The following TELO2 variants were observed in gnomAD, a reference collection of about 807,000 sequenced individuals.
The protein encoded by TELO2 is telomere length regulation protein TEL2 homolog.
TELO2 carries 71 observed loss-of-function variants against 91.0 expected under a neutral mutation model. The observed-to-expected ratio is 0.78, with a 90% CI of 0.64 to 0.95. The LOEUF (loss-of-function observed/expected upper bound fraction) is 0.95, where lower values mean the gene tolerates loss of function less well. Ranked by LOEUF, TELO2 falls within the 40% of genes least tolerant of loss-of-function variation. TELO2 has a pLI of 0.00. For missense variants in TELO2, 1,183 were observed against 1,141.3 expected (o/e 1.04, Z -0.53); for synonymous variants, 584 against 518.9 (o/e 1.13, Z -1.71).
Position 1,504,863 on chromosome 16 carries a change from G to A in TELO2, c.1843-547G>A, listed in dbSNP as rs538684499. 7.5e-4 allele frequency among the ~76,000 whole-genome samples: 112 copies of A among 149,384 alleles called. 2 individuals carry two copies. Among genetic ancestry groups the A allele is most frequent in the African/African-American group, 2.4e-3 (96 of 39,828 alleles). On this transcript the variant is annotated intron_variant, in intron 15 of 20. Coordinates refer to ENST00000262319, the MANE Select transcript of TELO2 (RefSeq NM_016111.4). ...GGGTGGCGTTCGGAACATCCACAGT[G>A]TCACGCAGCCGCCTCTGTCTAGTCC...
chr16:1,500,121 G>A lies in TELO2; in HGVS notation c.959G>A (p.Gly320Asp). 1.2e-6 allele frequency: 2 copies of A among 1,608,740 alleles called. No homozygotes were observed. The highest frequency in any genetic ancestry group is 1.1e-5 in the South Asian group (1 of 90,878). Residue 320 changes from glycine (G) to aspartate (D), a missense_variant, in exon 7 of 21, where the codon GGC becomes GAC. By Grantham distance (94) the Gly-to-Asp change is moderately conservative (BLOSUM62 -1). Transcript: ENST00000262319. ...LTTPMLQSLL[G>D]HLAMDSQRRP... ...ACGCCCATGCTGCAGAGCCTGCTGG[G>A]CCATCTGGCCATGGACAGCCAGCGG...
At chr16:1,504,066 C>T (rs898397088) in intron 15 of TELO2, among the ~76,000 whole-genome samples, 7 of 141,386 alleles carry the variant, frequency 5.0e-5, no homozygotes, top group South Asian at 2.3e-4. Context: ...TTGAGGCTGT[C>T]GTGAGCCGTG....
At chr16:1,507,761 G>C (rs369615522) in intron 20 of TELO2, 45 bp downstream of exon 20, 3 of 1,416,988 alleles carry the variant, frequency 2.1e-6, no homozygotes, top group East Asian at 3.2e-5. Flanking sequence ...GTGTCGGCCC[G>C]GGGTGTGTGT....
Position 1,493,964 on chromosome 16 carries a change from C to T in TELO2, c.-36-282C>T, listed in dbSNP as rs2039390000. 6.6e-6 allele frequency among the ~76,000 whole-genome samples: 1 copy of T among 152,234 alleles called. No individual in the cohort carries two copies. The highest frequency in any genetic ancestry group is 1.5e-5 in the Non-Finnish European group (1 of 68,044). On this transcript the variant is annotated intron_variant, in intron 1 of 20. Coordinates refer to ENST00000262319, the MANE Select transcript of TELO2 (RefSeq NM_016111.4). The surrounding 1 kb of genome is among the most constrained non-coding windows in gnomAD (Gnocchi z 4.3). ...TCACCAGCATCTCTAGCCTCCACCTCCCTCTCGCGCCAGTGGCACTCCCGG... is the reference window on the plus strand; with the variant it reads ...TCACCAGCATCTCTAGCCTCCACCTTCCTCTCGCGCCAGTGGCACTCCCGG...
chr16:1,507,417 CAG>C (rs1397197394), intron 19 of TELO2, 47 bp downstream of exon 19: 2 of 1,602,000 alleles, frequency 1.2e-6, no homozygotes, highest in Non-Finnish European at 1.7e-6. Flanking sequence ...CAGGCAGACA[CAG>C]GGGTCTTATT....
At position 1,500,617 on chromosome 16, in the gene TELO2, C is replaced by T. The variant is rs776139039; in HGVS notation, c.1199C>T (p.Pro400Leu). The change falls in exon 9 of 21, where the codon CCC becomes CTC. Residue 400 changes from proline (P) to leucine (L), a missense_variant. Transcript: ENST00000262319. ...GVKCRLDSSL[P>L]PVRRLGMIVA... Reference sequence around the variant, plus strand: ...AAGTGCCGCCTGGACAGTAGCCTGCCCCCCGTGCGACGCCTGGGCATGATC... The same window carrying T: ...AAGTGCCGCCTGGACAGTAGCCTGCTCCCCGTGCGACGCCTGGGCATGATC... The T allele has an allele frequency of 2.1e-5, 34 of 1,612,238 alleles. No individual in the cohort carries two copies. Among genetic ancestry groups the T allele is most frequent in the Non-Finnish European group, 2.8e-5 (33 of 1,179,776 alleles).
In TELO2 at chr16:1,500,113, C is replaced by T; in HGVS notation, c.951C>T (p.Ser317=). 6.2e-7 allele frequency: 1 copy of T among 1,608,996 alleles called. No homozygotes were observed. Among genetic ancestry groups the T allele is most frequent in the Non-Finnish European group, 8.5e-7 (1 of 1,179,426 alleles). ...TATTGCAGACGCCCATGCTGCAGAG[C>T]CTGCTGGGCCATCTGGCCATGGACA... The part of the protein sequence containing the change: ...QSRLTTPMLQ[S]LLGHLAMDSQ... Residue 317 remains serine (S), a synonymous_variant, in exon 7 of 21, where the codon AGC becomes AGT. Coordinates refer to ENST00000262319, the MANE Select transcript of TELO2 (RefSeq NM_016111.4).
At chr16:1,508,098 C>A (rs2039976474) in intron 20 of TELO2, among the ~76,000 whole-genome samples, 1 of 152,070 alleles carries the variant, frequency 6.6e-6, no homozygotes, top group South Asian at 2.1e-4. Context: ...CACCCGCCTC[C>A]CTGGGCCCCT....
At chr16:1,509,515 G>A (rs1455103219) in intron 20 of TELO2, among the ~76,000 whole-genome samples, 3 of 152,252 alleles carry the variant, frequency 2.0e-5, no homozygotes, top group Non-Finnish European at 2.9e-5. Context: ...CACAGCCCTT[G>A]TCTGCCGTCC....
At chr16:1,501,930 G>T (rs931951121) in intron 11 of TELO2, 117 bp from the exon 12 acceptor site, 2 of 1,498,438 alleles carry the variant, frequency 1.3e-6, no homozygotes, top group Admixed American at 1.7e-5. Context: ...TCCACCGTAG[G>T]CGCAGGGGCC....
In TELO2 at chr16:1,505,137, G is replaced by A. The variant is rs2039842679; in HGVS notation, c.1843-273G>A. On this transcript the variant is annotated intron_variant, in intron 15 of 20. Transcript: ENST00000262319. This position sits in a 1 kb window ranked among gnomAD's most constrained non-coding sequence, Gnocchi z 4.3. ...GATAAGGGCATGTGGCTCTGGCGTGGCGGGACTGCGTGGCTTTAGGATGAG... is the reference window on the plus strand; with the variant it reads ...GATAAGGGCATGTGGCTCTGGCGTGACGGGACTGCGTGGCTTTAGGATGAG... 2 of 432,348 alleles carry A rather than the reference G, an allele frequency of 4.6e-6. No homozygotes were observed. The allele number at this position is 432,348 out of a possible 1,614,324, so 26.8% of individuals were successfully genotyped here. A position where few individuals can be genotyped will look rare whatever the true frequency, so the allele number is the denominator to read the frequency against.
At chr16:1,495,771 T>A in intron 3 of TELO2, 148 bp downstream of exon 3, 2 of 1,186,464 alleles carry the variant, frequency 1.7e-6, no homozygotes, top group Non-Finnish European at 2.3e-6. Flanking sequence ...TCCCGCACAG[T>A]AGTGACCGGC....
At chr16:1,506,492 C>G (rs575803825) in intron 17 of TELO2, 163 bp downstream of exon 17, 1 of 1,472,270 alleles carries the variant, frequency 6.8e-7, no homozygotes, top group Non-Finnish European at 9.0e-7. Flanking sequence ...AGGGAGCGTC[C>G]CGCAAGATTC....
At position 1,499,383 on chromosome 16, in the gene TELO2, G is replaced by C; in HGVS notation, c.933+50G>C. 1.9e-6 allele frequency: 3 copies of C among 1,590,784 alleles called. No individual in the cohort carries two copies. The South Asian group carries it at 3.3e-5, about 18-fold the overall frequency. ...GCTGCTGGCTGCCCCATCACAGCAA[G>C]AATGGCTGCAAAACATGGGGTCGGA... On this transcript the variant is annotated intron_variant, in intron 6 of 20. Coordinates refer to ENST00000262319, the MANE Select transcript of TELO2 (RefSeq NM_016111.4).
rs796701259 is a variant in TELO2 at position 1,501,572 on chromosome 16, A to AG, written c.1361+79dup. 4.8e-5 allele frequency: 75 copies of AG among 1,565,770 alleles called. No individual in the cohort carries two copies. The African/African-American group carries it at 9.0e-4, about 19-fold the overall frequency. ...CTCTGGATTCCGCTGCCGGGATGGG[A>AG]GGGGGGAAACCCTTTCTTTCTGTCC... On this transcript the variant is annotated intron_variant, in intron 10 of 20. Coordinates refer to ENST00000262319, the MANE Select transcript of TELO2 (RefSeq NM_016111.4).
Position 1,497,289 on chromosome 16 carries a change from C to CT in TELO2, c.683-71dup. 3.3e-6 allele frequency: 5 copies of CT among 1,497,462 alleles called. No individual in the cohort carries two copies. The highest frequency in any genetic ancestry group is 4.5e-6 in the Non-Finnish European group (5 of 1,116,746). The allele number at this position is 1,497,462 out of a possible 1,614,324, so 92.8% of individuals were successfully genotyped here. ...CTGGGGAGCTGTGGGACTGTCCTTG[C>CT]TGGACCCACACAGCCCCAGACACCA... On this transcript the variant is annotated intron_variant, in intron 4 of 20. Coordinates refer to ENST00000262319, the MANE Select transcript of TELO2 (RefSeq NM_016111.4). The surrounding 1 kb of genome is among the most constrained non-coding windows in gnomAD (Gnocchi z 4.0).
At chr16:1,498,177 G>A (rs1013788845) in intron 5 of TELO2, among the ~76,000 whole-genome samples, 1 of 151,910 alleles carries the variant, frequency 6.6e-6, no homozygotes, top group Non-Finnish European at 1.5e-5. Flanking sequence ...ACCACACCCG[G>A]CTAATTTTTG....
chr16:1,498,710 C>T lies in TELO2; in HGVS notation c.831-521C>T, dbSNP rs556877084. Among the ~76,000 whole-genome samples, 50 of 98,164 alleles carry T rather than the reference C, an allele frequency of 5.1e-4. 1 individual carries two copies. In the South Asian group the frequency reaches 0.017, roughly 32 times the overall value. 64.4% of individuals were successfully genotyped at this position (98,164 alleles called of 152,430 possible). ...TTGGCCTCCCAAATGTTTTTTTAACCGTTATTTCTTTGTGTGGAATTTTAA... is the reference window on the plus strand; with the variant it reads ...TTGGCCTCCCAAATGTTTTTTTAACTGTTATTTCTTTGTGTGGAATTTTAA... On this transcript the variant is annotated intron_variant, in intron 5 of 20. Transcript: ENST00000262319.
At chr16:1,509,337 C>A (rs1424942633) in intron 20 of TELO2, among the ~76,000 whole-genome samples, 4 of 152,184 alleles carry the variant, frequency 2.6e-5, no homozygotes, top group African/African-American at 7.2e-5. Context: ...CCAGCAGAGC[C>A]CCCCCAAGGC....
Sources: gnomAD v4.1 joint callset for allele counts (sites outside exome capture counted in the v4.1 genomes callset) on GRCh38, gnomAD v4.1.1 for gene constraint, Gnocchi (gnomAD v3.1) non-coding constraint, MANE v1.5 for transcripts, NCBI Gene and HGNC (gene_info 2026-07-23, HGNC 2026-07-21) for gene names.